The following OTOGL variants were observed in gnomAD, a reference collection of about 807,000 sequenced individuals.
The protein encoded by OTOGL is otogelin-like protein.
A neutral mutation model predicts 318.5 loss-of-function variants in OTOGL; 285 were observed. That is an observed-to-expected ratio of 0.89 (90% confidence interval 0.81 to 0.99). OTOGL has a LOEUF of 0.99. OTOGL is among the 50% of genes least tolerant of loss of function. OTOGL has a pLI of 0.00. For missense variants in OTOGL, 2,899 were observed against 2,845.6 expected, an observed-to-expected ratio of 1.02 and a Z score of -0.43; for synonymous variants, 987 against 936.5, an observed-to-expected ratio of 1.05 and a Z score of -0.99.
intron 43 of OTOGL, 30 bp from the exon 44 acceptor site, chr12:80,341,918 T>C: frequency 6.7e-7 from 1 of 1,488,228 alleles, no homozygotes; most frequent in South Asian, 1.2e-5. Flanking sequence ...TTTAAGTTTT[T>C]TTCTTCTAAC....
chr12:80,239,509 T>C, intron 11 of OTOGL, 70 bp downstream of exon 11: 1 of 1,068,418 alleles, frequency 9.4e-7, no homozygotes, highest in Non-Finnish European at 1.4e-6. Context: ...ACTACTTCTG[T>C]TACTTAACCA....
intron 1 of OTOGL, among the ~76,000 whole-genome samples, chr12:80,184,365 G>C (rs1489306747): frequency 1.3e-5 from 2 of 152,116 alleles, no homozygotes; most frequent in Admixed American, 6.6e-5. Context: ...TTAAGTGGCA[G>C]AATAATATAT....
chr12:80,371,924 T>C (rs1481939719), intron 56 of OTOGL, 95 bp from the exon 57 acceptor site: 3 of 697,340 alleles, frequency 4.3e-6, no homozygotes, highest in Non-Finnish European at 4.3e-6. Context: ...TGGTATTTGA[T>C]AAAAGTTTTA....
At chr12:80,292,556 C>T (rs770812039) in intron 26 of OTOGL, among the ~76,000 whole-genome samples, 2 of 152,182 alleles carry the variant, frequency 1.3e-5, no homozygotes, top group African/African-American at 4.8e-5. Flanking sequence ...CCACAAACTT[C>T]CTTAAGGAAG....
intron 1 of OTOGL, among the ~76,000 whole-genome samples, chr12:80,208,022 A>G (rs1026692047): frequency 1.1e-4 from 16 of 152,250 alleles, no homozygotes; most frequent in African/African-American, 3.9e-4. Context: ...AATTAATTAA[A>G]CCTATTCATT....
At chr12:80,162,465 A>T (rs979809242) in intron 1 of OTOGL, among the ~76,000 whole-genome samples, 7 of 152,240 alleles carry the variant, frequency 4.6e-5, no homozygotes, top group African/African-American at 1.7e-4. Flanking sequence ...GCCTTAAGAA[A>T]ATACCACAAA....
chr12:80,343,496 A>G (rs1168910621), intron 44 of OTOGL: 26 of 24,586 alleles, frequency 1.1e-3, no homozygotes, highest in East Asian at 3.2e-3. Flanking sequence ...CATTTTTATT[A>G]TTTTTTATTC....
chr12:80,159,187 T>C (rs1476201826), intron 1 of OTOGL, among the ~76,000 whole-genome samples: 2 of 152,156 alleles, frequency 1.3e-5, no homozygotes, highest in East Asian at 3.9e-4. Context: ...GAAACTCACT[T>C]GATCATGGTG....
intron 1 of OTOGL, among the ~76,000 whole-genome samples, chr12:80,201,761 C>T (rs186282117): frequency 5.0e-4 from 76 of 152,200 alleles, no homozygotes; most frequent in African/African-American, 1.8e-3. Context: ...ATTACACTGG[C>T]CAGAGAAAGT....
chr12:80,144,881 T>C (rs1383380852), intron 1 of OTOGL, among the ~76,000 whole-genome samples: 1 of 152,050 alleles, frequency 6.6e-6, no homozygotes, highest in Non-Finnish European at 1.5e-5. Flanking sequence ...TTCATGTCCT[T>C]CACCCACTTT....
Position 80,373,432 on chromosome 12 carries a change from A to AAAACAAACAAAC in OTOGL, c.6781+1397_6781+1408dup. On this transcript the variant is annotated intron_variant, in intron 57 of 58. Coordinates refer to ENST00000547103, the MANE Select transcript of OTOGL (RefSeq NM_001378609.3). ...GGTGACAGAGCTAGACTCTGTCTCCAAAACAAACAAACAAACAAACAAACA... is the reference window on the plus strand; with the variant it reads ...GGTGACAGAGCTAGACTCTGTCTCCAAAACAAACAAACAAACAAACAAACAAACAAACAAACA... Among the ~76,000 whole-genome samples, 5 of 150,636 alleles carry AAAACAAACAAAC rather than the reference A, an allele frequency of 3.3e-5. No homozygotes were observed. In the South Asian group the frequency reaches 1.1e-3, roughly 32 times the overall value.
chr12:80,128,905 T>G (rs573002100), intron 1 of OTOGL, among the ~76,000 whole-genome samples: 202 of 152,242 alleles, frequency 1.3e-3, no homozygotes, highest in African/African-American at 4.6e-3. Context: ...AGTATTAGGG[T>G]GGGAGTGACC....
intron 5 of OTOGL, among the ~76,000 whole-genome samples, chr12:80,219,481 C>A (rs1246335370): frequency 6.6e-6 from 1 of 152,210 alleles, no homozygotes; most frequent in Non-Finnish European, 1.5e-5. Context: ...TCAACGGAAT[C>A]ATCTGCAGCT....
intron 47 of OTOGL, 54 bp from the exon 48 acceptor site, chr12:80,356,362 T>C (rs1889896812): frequency 1.5e-6 from 2 of 1,362,388 alleles, no homozygotes; most frequent in Non-Finnish European, 1.0e-6. Context: ...CTGCTTTGAG[T>C]TGGCAGATTT....
At chr12:80,115,784 C>T (rs995349240) in intron 1 of OTOGL, among the ~76,000 whole-genome samples, 88 of 152,122 alleles carry the variant, frequency 5.8e-4, no homozygotes, top group African/African-American at 2.0e-3. Flanking sequence ...ATCTATCTAC[C>T]GGGCCTTTGC....
At chr12:80,278,499 A>C (rs1475650114) in intron 25 of OTOGL, among the ~76,000 whole-genome samples, 1 of 151,572 alleles carries the variant, frequency 6.6e-6, no homozygotes, top group African/African-American at 2.4e-5. Flanking sequence ...GAAACACAAC[A>C]ATCTAAAATT....
rs1881922415 is a variant in OTOGL, at chr12:80,255,138, G to T, written c.1540G>T (p.Gly514Ter). The T allele has an allele frequency of 6.6e-7, 1 of 1,523,200 alleles. No individual in the cohort carries two copies. Among genetic ancestry groups the T allele is most frequent in the Non-Finnish European group, 8.8e-7 (1 of 1,138,898 alleles). The allele number at this position is 1,523,200 out of a possible 1,614,324, so 94.4% of individuals were successfully genotyped here. Residue 514 changes from glycine to a stop codon, truncating the protein, a stop_gained, in exon 16 of 59, where the codon GGA (glycine) becomes TGA (stop). Coordinates refer to ENST00000547103, the MANE Select transcript of OTOGL (RefSeq NM_001378609.3). LOFTEE classifies it high-confidence loss of function. ...CCAATACATCCTCGTGAAAGGAACTGGAAAAGATAAATTCACGATTACTTT... is the reference window on the plus strand; with the variant it reads ...CCAATACATCCTCGTGAAAGGAACTTGAAAAGATAAATTCACGATTACTTT... ...MCQYILVKGT[G>*]KDKFTITLQK...
intron 13 of OTOGL, among the ~76,000 whole-genome samples, chr12:80,252,587 A>G (rs1202000313): frequency 6.6e-6 from 1 of 152,194 alleles, no homozygotes; most frequent in Non-Finnish European, 1.5e-5. Flanking sequence ...TTTGAAATTA[A>G]AAGTAACTTA....
Position 80,232,991 on chromosome 12 carries a change from GAT to G in OTOGL, c.714_715del (p.Ser239TrpfsTer8), listed in dbSNP as rs1439551921. 2 of 1,598,690 alleles carry G rather than the reference GAT, an allele frequency of 1.3e-6. No individual in the cohort carries two copies. The highest frequency in any genetic ancestry group is 4.5e-5 in the East Asian group (2 of 44,862). ...TFGFSLAWDG[I>X]SGIYLKLSED... ...TTGGCTTTTCATTGGCTTGGGACGG[GAT>G]ATCTGGGATCTACCTCAAGCTGTCT... On this transcript the variant is annotated frameshift_variant, in exon 9 of 59. Coordinates refer to ENST00000547103, the MANE Select transcript of OTOGL (RefSeq NM_001378609.3). LOFTEE classifies it high-confidence loss of function.
Sources: allele counts gnomAD v4.1 joint callset (sites outside exome capture counted in the v4.1 genomes callset), GRCh38; gene constraint gnomAD v4.1.1; transcripts MANE v1.5; gene names NCBI Gene and HGNC (gene_info 2026-07-23, HGNC 2026-07-21).